The following SASH1 variants were observed in gnomAD, a reference collection of about 807,000 sequenced individuals.
SASH1 encodes SAM and SH3 domain-containing protein 1.
In SASH1, 44 loss-of-function variants were observed where a neutral mutation model predicts 125.2. The ratio of observed to expected loss-of-function variants is 0.35; its 90% CI spans 0.28 to 0.45. The LOEUF is 0.45. SASH1 is among the 20% of genes least tolerant of loss of function. The probability of loss-of-function intolerance (pLI) is 1.00; values close to 1 mark genes in which losing one functional copy is unlikely to be tolerated. For synonymous variants in SASH1, 639 were observed against 649.1 expected, an observed-to-expected ratio of 0.98 and a Z score of 0.24; for missense variants, 1,426 against 1,614.5, an observed-to-expected ratio of 0.88 and a Z score of 2.00.
At position 148,514,458 on chromosome 6, in the gene SASH1, T is replaced by TAAAAA. The variant is rs10710533; in HGVS notation, c.862+26_862+30dup. 5.8e-4 allele frequency: 331 copies of TAAAAA among 573,326 alleles called. 12 individuals carry two copies. The highest frequency in any genetic ancestry group is 4.5e-3 in the African/African-American group (80 of 17,884). 35.5% of individuals were successfully genotyped at this position (573,326 alleles called of 1,614,324 possible). On this transcript the variant is annotated splice_region_variant and intron_variant, in intron 9 of 19. Coordinates refer to ENST00000367467, the MANE Select transcript of SASH1 (RefSeq NM_015278.5). ...AAATGAAAAAACCCAGCACTGAAGG[T>TAAAAA]AAAAAAAAAAAAAAAAAAAAAAAAA...
At chr6:148,436,529 T>TTA (rs1583157297) in intron 2 of SASH1, among the ~76,000 whole-genome samples, 4 of 131,206 alleles carry the variant, frequency 3.0e-5, no homozygotes, top group East Asian at 2.6e-4. Flanking sequence ...AAATAAAAAT[T>TTA]AAAAAAAACA....
chr6:148,471,220 AAATTTGCAT>A (rs1477775192), intron 5 of SASH1, among the ~76,000 whole-genome samples, 188 bp from the exon 6 acceptor site: 5 of 151,882 alleles, frequency 3.3e-5, no homozygotes, highest in African/African-American at 1.2e-4. Flanking sequence ...TGCTACTAGG[AAATTTGCAT>A]TTCTTTTAAA....
chr6:148,457,197 C>T (rs1188281382), intron 4 of SASH1, among the ~76,000 whole-genome samples: 1 of 116,124 alleles, frequency 8.6e-6, no homozygotes, highest in Non-Finnish European at 1.7e-5. Flanking sequence ...CTTTTTTTTA[C>T]ACCTTAATTT....
chr6:148,394,483 G>A (rs1386254292), intron 2 of SASH1, among the ~76,000 whole-genome samples: 1 of 152,068 alleles, frequency 6.6e-6, no homozygotes, highest in Non-Finnish European at 1.5e-5. Flanking sequence ...CCCTTTTATT[G>A]CATCAGAATT....
At chr6:148,250,210 T>G in the SASH1 span, among the ~76,000 whole-genome samples, 2 of 152,104 alleles carry the variant, frequency 1.3e-5, no homozygotes, top group Admixed American at 6.6e-5. Context: ...CAGAATCATC[T>G]CAAGAAACCA....
At chr6:148,542,851 A>AGTGTGT (rs56094441) in intron 17 of SASH1, among the ~76,000 whole-genome samples, 99 of 149,374 alleles carry the variant, frequency 6.6e-4, no homozygotes, top group African/African-American at 2.2e-3. Context: ...AACAAGGGAC[A>AGTGTGT]GTGTGTGTGT....
chr6:148,207,112 T>C, the SASH1 span, among the ~76,000 whole-genome samples: 15 of 152,136 alleles, frequency 9.9e-5, no homozygotes, highest in African/African-American at 3.6e-4. Flanking sequence ...TCCCATTACA[T>C]TGGGTTTTCC....
the SASH1 span, among the ~76,000 whole-genome samples, chr6:148,232,302 G>A: frequency 6.6e-6 from 1 of 152,158 alleles, no homozygotes; most frequent in Admixed American, 6.5e-5. Flanking sequence ...AAGGCAATAG[G>A]TAAAACAGGT....
chr6:148,306,876 T>C (rs1699482712), intron 1 of SASH1, among the ~76,000 whole-genome samples: 1 of 152,154 alleles, frequency 6.6e-6, no homozygotes, highest in South Asian at 2.1e-4. Context: ...GAACTCACTC[T>C]GTGCAATGTG....
chr6:148,210,754 A>G, the SASH1 span, among the ~76,000 whole-genome samples: 1 of 152,278 alleles, frequency 6.6e-6, no homozygotes, highest in East Asian at 1.9e-4. Flanking sequence ...GGTCATTATA[A>G]TCTGCTTGAA....
At chr6:148,392,833 C>G (rs997664862) in intron 2 of SASH1, among the ~76,000 whole-genome samples, 1 of 152,170 alleles carries the variant, frequency 6.6e-6, no homozygotes, top group Non-Finnish European at 1.5e-5. Flanking sequence ...TTTCTTTTAA[C>G]TTTGTTCCTT....
chr6:148,414,420 T>C lies in SASH1; in HGVS notation c.285+24158T>C, dbSNP rs188782168. Among the ~76,000 whole-genome samples the C allele has an allele frequency of 2.6e-5, 4 of 152,252 alleles. No individual in the cohort carries two copies. The East Asian group carries it at 7.8e-4, about 30-fold the overall frequency. On this transcript the variant is annotated intron_variant, in intron 2 of 19. Coordinates refer to ENST00000367467, the MANE Select transcript of SASH1 (RefSeq NM_015278.5). ...GTAGAAACCTTGGCATTGCCACTTA[T>C]TAGCTATGTGATTATGAGCAAGTGA...
At chr6:148,358,026 C>T (rs1305049524) in intron 1 of SASH1, among the ~76,000 whole-genome samples, 1 of 132,782 alleles carries the variant, frequency 7.5e-6, no homozygotes, top group Non-Finnish European at 1.5e-5. Context: ...CACCGCAGCA[C>T]TCCAGACTGG....
At chr6:148,423,938 A>G (rs1775687614) in intron 2 of SASH1, among the ~76,000 whole-genome samples, 1 of 151,836 alleles carries the variant, frequency 6.6e-6, no homozygotes, top group Non-Finnish European at 1.5e-5. Context: ...ACTTAATTTC[A>G]TTTCCAATGA....
At chr6:148,277,233 A>G (rs934980098) in intron 1 of SASH1, among the ~76,000 whole-genome samples, 1 of 152,242 alleles carries the variant, frequency 6.6e-6, no homozygotes, top group East Asian at 1.9e-4. Context: ...TGGCGTGGTC[A>G]GGTGGCCAAT....
chr6:148,270,364 T>C (rs1049929215), upstream of SASH1, among the ~76,000 whole-genome samples: 1 of 114,950 alleles, frequency 8.7e-6, no homozygotes, highest in Non-Finnish European at 1.8e-5. Context: ...TTTTCCTTAC[T>C]GACTTTAATA....
intron 8 of SASH1, among the ~76,000 whole-genome samples, chr6:148,506,906 G>T (rs1024394979): frequency 1.5e-4 from 23 of 152,182 alleles, no homozygotes; most frequent in African/African-American, 5.5e-4. Flanking sequence ...CTCAGATTCT[G>T]CCCCTGCCAT....
upstream of SASH1, among the ~76,000 whole-genome samples, chr6:148,340,862 G>A (rs1044239275): frequency 2.0e-5 from 3 of 152,052 alleles, no homozygotes; most frequent in Non-Finnish European, 2.9e-5. Context: ...GAGACTGTGC[G>A]CAGTGGCTCA....
At chr6:148,351,099 C>T (rs1361214747) in intron 1 of SASH1, among the ~76,000 whole-genome samples, 1 of 151,950 alleles carries the variant, frequency 6.6e-6, no homozygotes, top group African/African-American at 2.4e-5. Context: ...ACATCTCCAT[C>T]CTGGAGACTG....
Sources: allele counts gnomAD v4.1 joint callset (sites outside exome capture counted in the v4.1 genomes callset), GRCh38; gene constraint gnomAD v4.1.1; transcripts MANE v1.5; gene names NCBI Gene and HGNC (gene_info 2026-07-23, HGNC 2026-07-21).